Variants in WDR7 observed in about 807,000 individuals in gnomAD.
WDR7 encodes the protein WD repeat domain 7, also known as WD repeat-containing protein 7.
WDR7 carries 46 observed loss-of-function variants against 169.4 expected under a neutral mutation model. The ratio of observed to expected loss-of-function variants is 0.27; its 90% CI spans 0.21 to 0.35. WDR7 has a LOEUF of 0.35. Among genes scored for constraint, WDR7 ranks in the 10% least tolerant of loss-of-function variants. WDR7 has a pLI of 1.00. For synonymous variants in WDR7, 612 were observed against 666.8 expected, an observed-to-expected ratio of 0.92 and a Z score of 1.27; for missense variants, 1,534 against 1,859.3, an observed-to-expected ratio of 0.83 and a Z score of 3.22.
intron 22 of WDR7, among the ~76,000 whole-genome samples, chr18:56,935,241 T>C (rs956801121): frequency 6.6e-6 from 1 of 152,188 alleles, no homozygotes; most frequent in African/African-American, 2.4e-5. Flanking sequence ...TTTAGTAGAT[T>C]GGTTCTAAAA....
intron 14 of WDR7, among the ~76,000 whole-genome samples, chr18:56,740,684 G>A (rs551405710): frequency 6.6e-6 from 1 of 152,212 alleles, no homozygotes; most frequent in East Asian, 1.9e-4. Flanking sequence ...CCAACAGAGA[G>A]CCCAGAATAT....
intron 21 of WDR7, among the ~76,000 whole-genome samples, chr18:56,919,904 A>T (rs8096585): frequency 1.3e-5 from 2 of 152,142 alleles, no homozygotes; most frequent in African/African-American, 4.8e-5. Context: ...ATGTGATCAG[A>T]TCTCTCCTTT....
intron 22 of WDR7, among the ~76,000 whole-genome samples, chr18:56,934,188 C>G (rs1278471922): frequency 6.6e-6 from 1 of 152,164 alleles, no homozygotes; most frequent in Admixed American, 6.5e-5. Flanking sequence ...TTGTTTAAAA[C>G]TTGACTTAAA....
intron 26 of WDR7, among the ~76,000 whole-genome samples, chr18:56,963,595 G>A (rs2047364735): frequency 6.6e-6 from 1 of 152,088 alleles, no homozygotes; most frequent in Admixed American, 6.6e-5. Context: ...CCTTCTCAAA[G>A]TCTCTAATGT....
chr18:56,719,704 A>G (rs1220339368), intron 13 of WDR7, among the ~76,000 whole-genome samples: 2 of 152,058 alleles, frequency 1.3e-5, no homozygotes, highest in Admixed American at 1.3e-4. Context: ...AACTGAATAT[A>G]TGGAATTTGT....
intron 20 of WDR7, among the ~76,000 whole-genome samples, chr18:56,822,098 T>C (rs2045109141): frequency 2.6e-5 from 4 of 152,204 alleles, no homozygotes; most frequent in Admixed American, 2.6e-4. Flanking sequence ...CTAGTCCCAT[T>C]ATTTAAAATG....
chr18:56,817,425 G>C (rs1018850069), intron 20 of WDR7, among the ~76,000 whole-genome samples: 4 of 151,846 alleles, frequency 2.6e-5, no homozygotes, highest in African/African-American at 9.7e-5. Flanking sequence ...GTGATAGGTA[G>C]GTTACTGTTA....
chr18:56,835,780 G>A (rs1481827442), intron 20 of WDR7, among the ~76,000 whole-genome samples: 3 of 152,122 alleles, frequency 2.0e-5, no homozygotes, highest in Non-Finnish European at 4.4e-5. Context: ...AGTAAAACAG[G>A]TAGGTATGAG....
chr18:57,016,208 C>A (rs1308573375), intron 26 of WDR7, among the ~76,000 whole-genome samples: 2 of 152,180 alleles, frequency 1.3e-5, no homozygotes, highest in Non-Finnish European at 2.9e-5. Context: ...ACACCGGCCG[C>A]TTCCCTCTCA....
At chr18:56,872,343 C>G (rs1275839257) in intron 20 of WDR7, among the ~76,000 whole-genome samples, 1 of 152,136 alleles carries the variant, frequency 6.6e-6, no homozygotes, top group Non-Finnish European at 1.5e-5. Flanking sequence ...GTTGCACTCT[C>G]TGACTGCTTT....
intron 25 of WDR7, among the ~76,000 whole-genome samples, chr18:56,954,368 A>G (rs2047221348): frequency 6.6e-6 from 1 of 152,194 alleles, no homozygotes; most frequent in Admixed American, 6.5e-5. Context: ...GAACTGTGGC[A>G]TACCATACAG....
chr18:56,976,053 C>T (rs770065961), intron 26 of WDR7, among the ~76,000 whole-genome samples: 13 of 152,062 alleles, frequency 8.5e-5, no homozygotes, highest in Non-Finnish European at 1.9e-4. Context: ...TTTGGAAGGT[C>T]GGTGTGCTGT....
At chr18:56,652,691 G>C (rs1413524148) in intron 1 of WDR7, among the ~76,000 whole-genome samples, 2 of 152,114 alleles carry the variant, frequency 1.3e-5, no homozygotes, top group Non-Finnish European at 2.9e-5. Flanking sequence ...ATGTCAATTA[G>C]GGATTATGGT....
intron 27 of WDR7, among the ~76,000 whole-genome samples, chr18:57,025,755 C>T (rs976604066): frequency 2.6e-5 from 4 of 152,112 alleles, no homozygotes; most frequent in East Asian, 1.9e-4. Context: ...TGATTTACGC[C>T]CTCTGACACC....
At chr18:56,959,633 A>G (rs891288880) in intron 25 of WDR7, among the ~76,000 whole-genome samples, 2 of 152,174 alleles carry the variant, frequency 1.3e-5, no homozygotes, top group African/African-American at 4.8e-5. Flanking sequence ...CTCAACACAC[A>G]ATAACACTTA....
chr18:56,884,401 T>G (rs976187005), intron 21 of WDR7, among the ~76,000 whole-genome samples: 2 of 152,218 alleles, frequency 1.3e-5, no homozygotes, highest in Admixed American at 6.5e-5. Flanking sequence ...TCTGGATATT[T>G]GTCCTTTGTC....
chr18:57,018,655 A>C (rs2048242991), intron 26 of WDR7, among the ~76,000 whole-genome samples: 2 of 152,220 alleles, frequency 1.3e-5, no homozygotes, highest in Non-Finnish European at 2.9e-5. Flanking sequence ...TGTTTTTTGC[A>C]CTTTTGCAGG....
chr18:57,012,514 G>A (rs1334385896), intron 26 of WDR7, among the ~76,000 whole-genome samples: 1 of 152,178 alleles, frequency 6.6e-6, no homozygotes, highest in Non-Finnish European at 1.5e-5. Flanking sequence ...ACTGTTGCCT[G>A]TCCAGAATGA....
At chr18:56,783,175 A>G (rs1464883266) in intron 19 of WDR7, among the ~76,000 whole-genome samples, 1 of 147,402 alleles carries the variant, frequency 6.8e-6, no homozygotes, top group African/African-American at 2.5e-5. Context: ...AAAAAAAAAC[A>G]AGGCATCTAG....
Sources: gnomAD v4.1 joint callset for allele counts (sites outside exome capture counted in the v4.1 genomes callset) on GRCh38, gnomAD v4.1.1 for gene constraint, MANE v1.5 for transcripts, NCBI Gene and HGNC (gene_info 2026-07-23, HGNC 2026-07-21) for gene names.